Variants in GUCY1A1 observed in about 807,000 individuals in gnomAD.
GUCY1A1 encodes the protein guanylate cyclase 1 soluble subunit alpha 1.
In GUCY1A1, 48 loss-of-function variants were observed where a neutral mutation model predicts 64.5. That is an observed-to-expected ratio of 0.74 (90% CI 0.59 to 0.95). The LOEUF (loss-of-function observed/expected upper bound fraction) is 0.95, where lower values mean the gene tolerates loss of function less well. Among genes scored for constraint, GUCY1A1 ranks in the 40% least tolerant of loss-of-function variants. The pLI is 0.00. For synonymous variants in GUCY1A1, 308 were observed against 303.4 expected (o/e 1.02, Z -0.16); for missense variants, 804 against 825.3 (o/e 0.97, Z 0.32).
intron 3 of GUCY1A1, among the ~76,000 whole-genome samples, chr4:155,700,670 G>A (rs1317055407): frequency 6.6e-6 from 1 of 152,124 alleles, no homozygotes; most frequent in Non-Finnish European, 1.5e-5. Flanking sequence ...TTGCATTGGG[G>A]AACAAGTGTC....
chr4:155,708,184 CT>C (rs1732055475), intron 4 of GUCY1A1, 51 bp from the exon 5 acceptor site: 1 of 897,342 alleles, frequency 1.1e-6, no homozygotes, highest in Non-Finnish European at 1.8e-6. Context: ...ATAATCTGAA[CT>C]TTTAGCATGT....
chr4:155,729,608 G>T (rs1447830965), intron 9 of GUCY1A1, among the ~76,000 whole-genome samples: 1 of 151,588 alleles, frequency 6.6e-6, no homozygotes, highest in East Asian at 1.9e-4. Flanking sequence ...TACGTTTTAT[G>T]CCCACAATTA....
chr4:155,669,802 TC>T (rs1028071058), intron 2 of GUCY1A1, among the ~76,000 whole-genome samples: 2 of 152,202 alleles, frequency 1.3e-5, no homozygotes, highest in Non-Finnish European at 2.9e-5. Flanking sequence ...TTGAATTTTT[TC>T]AGAAACTATA....
intron 2 of GUCY1A1, among the ~76,000 whole-genome samples, chr4:155,688,777 A>G (rs1729345736): frequency 6.6e-6 from 1 of 151,582 alleles, no homozygotes; most frequent in African/African-American, 2.4e-5. Flanking sequence ...GAGCACTAAC[A>G]AAAGCAAAAA....
intron 2 of GUCY1A1, among the ~76,000 whole-genome samples, chr4:155,679,762 T>A (rs1163946172): frequency 6.6e-6 from 1 of 152,264 alleles, no homozygotes; most frequent in Non-Finnish European, 1.5e-5. Context: ...TATGGTATGA[T>A]GTGTGGATAA....
At chr4:155,701,575 G>T (rs11737895) in intron 3 of GUCY1A1, among the ~76,000 whole-genome samples, 38,068 of 152,040 alleles carry the variant, frequency 0.25, 4,825 homozygotes, top group Middle Eastern at 0.31. Context: ...CCAGTAGCAT[G>T]GAAGAGGAAG....
intron 2 of GUCY1A1, among the ~76,000 whole-genome samples, chr4:155,689,812 T>A (rs761145837): frequency 6.6e-6 from 1 of 152,210 alleles, no homozygotes; most frequent in Non-Finnish European, 1.5e-5. Flanking sequence ...GGCACTCCAA[T>A]ATGATTATTG....
chr4:155,677,938 TA>T (rs1336620914), intron 2 of GUCY1A1, among the ~76,000 whole-genome samples: 1 of 151,894 alleles, frequency 6.6e-6, no homozygotes, highest in African/African-American at 2.4e-5. Flanking sequence ...TAAGTTTATA[TA>T]AAAAATTAGC....
rs565269706 is a variant in GUCY1A1, at chr4:155,736,808, A to G, written c.*6577A>G. ...GTTTTTTTTGTTATGTTTAGTAACT[A>G]ATTTCATTTTTTCTGTATATGTAAA... On this transcript the variant is annotated 3_prime_UTR_variant, in exon 10 of 10. Transcript: ENST00000506455. The G allele has an allele frequency of 2.0e-5, 3 of 151,978 alleles. No individual in the cohort carries two copies. The highest frequency in any genetic ancestry group is 7.2e-5 in the African/African-American group (3 of 41,514). The allele number at this position is 151,978 out of a possible 1,614,324, so 9.4% of individuals were successfully genotyped here.
In GUCY1A1 at chr4:155,711,029, C is replaced by A. The variant is rs770350025; in HGVS notation, c.864C>A (p.Phe288Leu). The stretch of plus-strand genomic sequence containing the variant: ...CGCTATTCTGCAAGACATTTCCATT[C>A]CATTTCATGTTTGACAAAGATATGA... ...PTSLFCKTFP[F>L]HFMFDKDMTI... Residue 288 changes from phenylalanine (F) to leucine (L), a missense_variant, in exon 6 of 10, where the codon TTC becomes TTA. Coordinates refer to ENST00000506455, the MANE Select transcript of GUCY1A1 (RefSeq NM_001130682.3). 5.6e-6 allele frequency: 9 copies of A among 1,613,904 alleles called. No individual in the cohort carries two copies. The highest frequency in any genetic ancestry group is 6.8e-6 in the Non-Finnish European group (8 of 1,179,770).
chr4:155,707,380 T>G (rs1731918425), intron 4 of GUCY1A1, among the ~76,000 whole-genome samples: 1 of 152,194 alleles, frequency 6.6e-6, no homozygotes, highest in Non-Finnish European at 1.5e-5. Context: ...CAACTTAAAG[T>G]AGCATAGAGT....
chr4:155,691,599 T>C lies in GUCY1A1; in HGVS notation c.-112-5157T>C, dbSNP rs182160471. Among the ~76,000 whole-genome samples the C allele has an allele frequency of 3.6e-4, 55 of 152,284 alleles. No homozygotes were observed. In the East Asian group the frequency reaches 0.01, roughly 28 times the overall value. ...TTGCTTTTAAGTTTTCTCCTCCTTT[T>C]GGCTACTCTTAAAAATCTGGACTTT... On this transcript the variant is annotated intron_variant, in intron 2 of 9. Coordinates refer to ENST00000506455, the MANE Select transcript of GUCY1A1 (RefSeq NM_001130682.3).
chr4:155,715,230 T>G (rs1733074587), intron 7 of GUCY1A1, among the ~76,000 whole-genome samples: 1 of 152,078 alleles, frequency 6.6e-6, no homozygotes, highest in African/African-American at 2.4e-5. Context: ...TGAAAATAAA[T>G]ATAGAAGGGT....
chr4:155,670,289 T>C (rs1191804304), intron 2 of GUCY1A1, among the ~76,000 whole-genome samples: 3 of 152,218 alleles, frequency 2.0e-5, no homozygotes, highest in Admixed American at 6.5e-5. Context: ...ATTAAAAATA[T>C]GTTTGTCTCT....
chr4:155,674,429 GAAGTT>G (rs1242535111), intron 2 of GUCY1A1, among the ~76,000 whole-genome samples: 1 of 151,056 alleles, frequency 6.6e-6, no homozygotes, highest in East Asian at 1.9e-4. Flanking sequence ...TTGGAACAGT[GAAGTT>G]ATGTGGAGAG....
chr4:155,675,328 A>C (rs187327704), intron 2 of GUCY1A1, among the ~76,000 whole-genome samples: 1 of 151,564 alleles, frequency 6.6e-6, no homozygotes, highest in Non-Finnish European at 1.5e-5. Context: ...TTATATCAAG[A>C]TCTTTAGCAC....
intron 2 of GUCY1A1, among the ~76,000 whole-genome samples, chr4:155,674,535 T>A (rs1179793517): frequency 6.6e-6 from 1 of 151,578 alleles, no homozygotes; most frequent in Non-Finnish European, 1.5e-5. Context: ...AACAGATTTT[T>A]TCTATTTTTA....
chr4:155,710,210 A>T (rs1732375134), intron 5 of GUCY1A1, among the ~76,000 whole-genome samples: 1 of 152,194 alleles, frequency 6.6e-6, no homozygotes, highest in Non-Finnish European at 1.5e-5. Context: ...TAACAGAAAG[A>T]TTGGAGGACT....
chr4:155,701,043 T>C (rs550570100), intron 3 of GUCY1A1, among the ~76,000 whole-genome samples: 99 of 152,136 alleles, frequency 6.5e-4, no homozygotes, highest in Admixed American at 1.3e-3. Context: ...ATAATTTTAT[T>C]GTGGACTCAT....
Sources: gnomAD v4.1 joint callset for allele counts (sites outside exome capture counted in the v4.1 genomes callset) on GRCh38, gnomAD v4.1.1 for gene constraint, MANE v1.5 for transcripts, NCBI Gene and HGNC (gene_info 2026-07-23, HGNC 2026-07-21) for gene names.